The following ARHGAP24 variants were observed in gnomAD, a reference collection of about 807,000 sequenced individuals.
The protein encoded by ARHGAP24 is rho GTPase-activating protein 24.
ARHGAP24 carries 50 observed loss-of-function variants against 76.4 expected under a neutral mutation model. That is an observed-to-expected ratio of 0.65 (90% CI 0.52 to 0.83). The LOEUF is 0.83. Among genes scored for constraint, ARHGAP24 ranks in the 40% least tolerant of loss-of-function variants. The probability of loss-of-function intolerance (pLI) is 0.00; values close to 1 mark genes in which losing one functional copy is unlikely to be tolerated. For synonymous variants in ARHGAP24, 345 were observed against 323.3 expected, an observed-to-expected ratio of 1.07 and a Z score of -0.72; for missense variants, 930 against 914.2, an observed-to-expected ratio of 1.02 and a Z score of -0.22.
chr4:85,796,520 G>A (rs1356809425), intron 3 of ARHGAP24, among the ~76,000 whole-genome samples: 1 of 152,124 alleles, frequency 6.6e-6, no homozygotes, highest in Non-Finnish European at 1.5e-5. Flanking sequence ...AAGTCCAAGG[G>A]AAGATCAGCC....
intron 3 of ARHGAP24, among the ~76,000 whole-genome samples, chr4:85,789,927 G>C (rs949505881): frequency 1.8e-4 from 28 of 152,106 alleles, no homozygotes; most frequent in Admixed American, 1.8e-3. Context: ...ATTAGTCATT[G>C]CTTACGTTTC....
intron 5 of ARHGAP24, among the ~76,000 whole-genome samples, chr4:85,963,175 T>C (rs2665877): frequency 0.36 from 54,054 of 151,846 alleles, 9,811 homozygotes; most frequent in East Asian, 0.53. Context: ...CTTAGTTTAA[T>C]AGAAAAGTCT....
chr4:85,838,622 C>G (rs1002113351), intron 3 of ARHGAP24, among the ~76,000 whole-genome samples: 29 of 152,304 alleles, frequency 1.9e-4, no homozygotes, highest in African/African-American at 6.7e-4. Flanking sequence ...AAAATAACTA[C>G]TGCAAAATGT....
Position 85,995,400 on chromosome 4 carries a change from CT to C in ARHGAP24, c.1752del (p.Phe584LeufsTer64). On this transcript the variant is annotated frameshift_variant, in exon 9 of 10. Coordinates refer to ENST00000395184, the MANE Select transcript of ARHGAP24 (RefSeq NM_001025616.3). LOFTEE classifies it high-confidence loss of function. The stretch of plus-strand genomic sequence containing the variant: ...CTACCACCACCTGCCCAGAGCAAGA[CT>C]TTTTTGGGGGGAACTTTGAGGACCC... ...SSTTTCPEQDFFGGNFEDPVL... is the reference protein window; with the variant it reads ...SSTTTCPEQDXFGGNFEDPVL... The C allele has an allele frequency of 6.2e-7, 1 of 1,613,096 alleles. No individual in the cohort carries two copies. Among genetic ancestry groups the C allele is most frequent in the Non-Finnish European group, 8.5e-7 (1 of 1,179,186 alleles).
chr4:85,542,330 G>A (rs1725736822), intron 1 of ARHGAP24, among the ~76,000 whole-genome samples: 1 of 152,094 alleles, frequency 6.6e-6, no homozygotes, highest in Admixed American at 6.6e-5. Flanking sequence ...TAGCTTCAAA[G>A]CAAGTTTTTT....
chr4:85,686,316 T>G (rs1038233592), intron 2 of ARHGAP24, among the ~76,000 whole-genome samples: 31 of 152,182 alleles, frequency 2.0e-4, no homozygotes, highest in Non-Finnish European at 2.9e-4. Context: ...GGAGCTAGCA[T>G]TTACTAGAGA....
chr4:85,620,638 C>T (rs897525593), intron 2 of ARHGAP24, among the ~76,000 whole-genome samples: 1 of 151,730 alleles, frequency 6.6e-6, no homozygotes, highest in African/African-American at 2.4e-5. Context: ...TTTCTTATCT[C>T]TATTTCATTT....
chr4:85,505,733 G>A lies in ARHGAP24; in HGVS notation c.-21+30174G>A, dbSNP rs150477311. On this transcript the variant is annotated intron_variant, in intron 1 of 9. Coordinates refer to ENST00000395184, the MANE Select transcript of ARHGAP24 (RefSeq NM_001025616.3). ...TTCTGAAGTCTAGTTCTATCAACTC[G>A]TCAAAGTCATTCTCCATCCAGCTTT... Among the ~76,000 whole-genome samples the A allele has an allele frequency of 9.0e-3, 1,367 of 152,118 alleles. 14 individuals carry two copies. Among genetic ancestry groups the A allele is most frequent in the African/African-American group, 0.031 (1,280 of 41,522 alleles).
At chr4:85,514,817 T>TAAAAAAAA (rs773699457) in intron 1 of ARHGAP24, among the ~76,000 whole-genome samples, 4 of 82,500 alleles carry the variant, frequency 4.8e-5, no homozygotes, top group Non-Finnish European at 8.6e-5. Flanking sequence ...CTCTAAATTG[T>TAAAAAAAA]AAAAAAAAAA....
At chr4:85,787,902 A>G (rs28375213) in intron 3 of ARHGAP24, among the ~76,000 whole-genome samples, 39,665 of 152,098 alleles carry the variant, frequency 0.26, 5,462 homozygotes, top group African/African-American at 0.31. Context: ...AAAGTGCATG[A>G]AGGCTGCAAA....
At chr4:85,570,252 C>G (rs1428044743) in intron 1 of ARHGAP24, among the ~76,000 whole-genome samples, 1 of 151,976 alleles carries the variant, frequency 6.6e-6, no homozygotes, top group Non-Finnish European at 1.5e-5. Flanking sequence ...CATTTTTCAC[C>G]CCTTCTCCCA....
intron 1 of ARHGAP24, among the ~76,000 whole-genome samples, chr4:85,487,217 A>AAAATATATATTTATTTTATATATAGT (rs1560505171): frequency 7.5e-6 from 1 of 133,800 alleles, no homozygotes; most frequent in African/African-American, 2.8e-5. Flanking sequence ...TATATATATA[A>AAAATATATATTTATTTTATATATAGT]AAATATATAT....
chr4:85,977,895 C>T (rs1307330509), intron 8 of ARHGAP24, among the ~76,000 whole-genome samples: 1 of 152,074 alleles, frequency 6.6e-6, no homozygotes, highest in Non-Finnish European at 1.5e-5. Context: ...ATAAAATATA[C>T]TAAACGCCTC....
chr4:85,988,839 T>C (rs556579983), intron 8 of ARHGAP24, among the ~76,000 whole-genome samples: 8 of 151,804 alleles, frequency 5.3e-5, no homozygotes, highest in Admixed American at 5.3e-4. Context: ...TACAGGTATG[T>C]TTAAAAACTA....
chr4:85,479,064 G>A (rs542211044), intron 1 of ARHGAP24, among the ~76,000 whole-genome samples: 150 of 152,226 alleles, frequency 9.9e-4, no homozygotes, highest in Non-Finnish European at 1.7e-3. Flanking sequence ...AAGTGAAGTC[G>A]TCAATAAATG....
chr4:85,758,121 A>G lies in ARHGAP24; in HGVS notation c.268+36149A>G, dbSNP rs982706946. On this transcript the variant is annotated intron_variant, in intron 3 of 9. Coordinates refer to ENST00000395184, the MANE Select transcript of ARHGAP24 (RefSeq NM_001025616.3). ...CCCTACTACTTCTGTCAAAAATACA[A>G]TGGCGTCAGTGATCTATGCTTGTAA... 4.6e-5 allele frequency among the ~76,000 whole-genome samples: 7 copies of G among 152,334 alleles called. No individual in the cohort carries two copies. The East Asian group carries it at 1.3e-3, about 29-fold the overall frequency.
At chr4:85,815,700 C>T (rs1413285705) in intron 3 of ARHGAP24, among the ~76,000 whole-genome samples, 1 of 152,194 alleles carries the variant, frequency 6.6e-6, no homozygotes, top group Non-Finnish European at 1.5e-5. Flanking sequence ...TCTTCTGAGC[C>T]CTCCAAACTG....
chr4:85,514,583 G>A (rs937948796), intron 1 of ARHGAP24, among the ~76,000 whole-genome samples: 1 of 151,922 alleles, frequency 6.6e-6, no homozygotes, highest in African/African-American at 2.4e-5. Context: ...TTATTCTCAT[G>A]TCCTAACCAC....
rs1270148205 is a variant in ARHGAP24, at chr4:85,650,937, A to G, written c.181-70948A>G. Among the ~76,000 whole-genome samples, 6 of 149,696 alleles carry G rather than the reference A, an allele frequency of 4.0e-5. 1 individual carries two copies. Among genetic ancestry groups the G allele is most frequent in the African/African-American group, 1.5e-4 (6 of 39,024 alleles). ...TTGAAGCAATGAATTGCCTTTGAAA[A>G]TCTGCAAAAGAAATATAAAGTCCCA... is the stretch of plus-strand genomic sequence containing the variant. On this transcript the variant is annotated intron_variant, in intron 2 of 9. Transcript: ENST00000395184.
Sources: gnomAD v4.1 joint callset for allele counts (sites outside exome capture counted in the v4.1 genomes callset) on GRCh38, gnomAD v4.1.1 for gene constraint, MANE v1.5 for transcripts, NCBI Gene and HGNC (gene_info 2026-07-23, HGNC 2026-07-21) for gene names.